Variants in SAFB2 observed in about 807,000 individuals in gnomAD.
SAFB2 encodes the protein scaffold attachment factor B2.
In SAFB2, 32 loss-of-function variants were observed where a neutral mutation model predicts 100.6. The ratio of observed to expected loss-of-function variants is 0.32; its 90% confidence interval spans 0.24 to 0.43. The LOEUF (loss-of-function observed/expected upper bound fraction) is 0.43. SAFB2 is among the 20% of genes least tolerant of loss of function. SAFB2 has a pLI of 1.00. For synonymous variants in SAFB2, 500 were observed against 439.4 expected (o/e 1.14, Z -1.72); for missense variants, 1,185 against 1,163.4 (o/e 1.02, Z -0.27).
intron 9 of SAFB2, 145 bp downstream of exon 9, chr19:5,609,850 C>A (rs2052868649): frequency 1.5e-6 from 1 of 680,136 alleles, no homozygotes; most frequent in African/African-American, 1.8e-5. Context: ...GTTGCCCAGG[C>A]TGGTCTTGAA....
chr19:5,617,279 T>G (rs555189928), intron 2 of SAFB2, among the ~76,000 whole-genome samples: 1 of 151,824 alleles, frequency 6.6e-6, no homozygotes. Context: ...CTTTTTTTTT[T>G]CCCCCAAGGC....
At chr19:5,604,517 G>A in intron 11 of SAFB2, 66 bp downstream of exon 11, 1 of 1,192,264 alleles carries the variant, frequency 8.4e-7, no homozygotes, top group Middle Eastern at 1.9e-4. Flanking sequence ...GTTTTTCAAG[G>A]CCCATGGTGG....
rs148165120 is a variant in SAFB2, at chr19:5,604,666, A to T, written c.1476T>A (p.Leu492=). The change falls in exon 11 of 21, where the codon CTT becomes CTA. Residue 492 remains leucine, a synonymous_variant. Coordinates refer to ENST00000252542, the MANE Select transcript of SAFB2 (RefSeq NM_014649.3). ...TCACTTCGCACTCTTTTCTGTCGGA[A>T]AGCTTTTTCCCAGCAGGCTCATTTT... The part of the protein sequence containing the change: ...KAKNEPAGKK[L]SDRKECEVKK... 14 of 1,614,094 alleles carry T rather than the reference A, an allele frequency of 8.7e-6. No individual in the cohort carries two copies. The African/African-American group carries it at 1.9e-4, about 22-fold the overall frequency.
rs1203460131 is a variant in SAFB2 at position 5,590,169 on chromosome 19, C to G, written c.2525+109G>C. 14 of 1,069,982 alleles carry G rather than the reference C, an allele frequency of 1.3e-5. No individual in the cohort carries two copies. In the Admixed American group the frequency reaches 1.4e-4, roughly 11 times the overall value. 66.3% of individuals were successfully genotyped at this position (1,069,982 alleles called of 1,614,324 possible). ...ATGGCAGGACCCCTGGTAGCCCATC[C>G]TAAAGCTCCCCTAGCTGAATCAAAC... On this transcript the variant is annotated intron_variant, in intron 18 of 20. Transcript: ENST00000252542.
chr19:5,604,621 A>G lies in SAFB2; in HGVS notation c.1521T>C (p.Ser507=). The G allele has an allele frequency of 6.2e-7, 1 of 1,614,034 alleles. No homozygotes were observed. The change falls in exon 11 of 21, where the codon AGT becomes AGC. Residue 507 remains serine (S), a synonymous_variant. Coordinates refer to ENST00000252542, the MANE Select transcript of SAFB2 (RefSeq NM_014649.3). ...TCTCCACAGAATGATGTCTGTCGAC[A>G]CTCGATAATTTTTCCTTCTTCACTT... The part of the protein sequence containing the change: ...ECEVKKEKLS[S]VDRHHSVEIK...
intron 4 of SAFB2, among the ~76,000 whole-genome samples, chr19:5,614,953 A>G (rs1221012797): frequency 2.6e-5 from 4 of 152,324 alleles, no homozygotes; most frequent in African/African-American, 9.6e-5. Flanking sequence ...ACTCACCACT[A>G]TAATCCCAGC....
chr19:5,597,878 C>A lies in SAFB2; in HGVS notation c.1782+915G>T, dbSNP rs2052565344. Among the ~76,000 whole-genome samples, 2 of 151,996 alleles carry A rather than the reference C, an allele frequency of 1.3e-5. 1 individual carries two copies. The highest frequency in any genetic ancestry group is 4.2e-4 in the South Asian group (2 of 4,814). On this transcript the variant is annotated intron_variant, in intron 13 of 20. Transcript: ENST00000252542. Reference sequence around the variant, plus strand: ...GGCACGGTGGCTCAAGCCTGTAATCCCAGCACTTTGGGAGGCTGAGGCGGG... The same window carrying A: ...GGCACGGTGGCTCAAGCCTGTAATCACAGCACTTTGGGAGGCTGAGGCGGG...
intron 8 of SAFB2, chr19:5,610,336 G>C: frequency 1.7e-6 from 1 of 589,618 alleles, no homozygotes; most frequent in Non-Finnish European, 3.0e-6. Flanking sequence ...AATGTCTTTT[G>C]ATGATCAGAT....
At chr19:5,618,702 C>T (rs1437125262) in intron 2 of SAFB2, among the ~76,000 whole-genome samples, 1 of 152,202 alleles carries the variant, frequency 6.6e-6, no homozygotes, top group Admixed American at 6.5e-5. Flanking sequence ...TAGTAGCCTG[C>T]AGTGCCCACA....
chr19:5,595,610 T>C (rs935261263), intron 13 of SAFB2, 113 bp from the exon 14 acceptor site: 8 of 1,305,122 alleles, frequency 6.1e-6, no homozygotes, highest in Non-Finnish European at 8.4e-6. Flanking sequence ...ATGGTGTAGA[T>C]GGAAGGCTGT....
intron 2 of SAFB2, among the ~76,000 whole-genome samples, chr19:5,617,813 A>G (rs1403968626): frequency 6.6e-6 from 1 of 152,166 alleles, no homozygotes; most frequent in Non-Finnish European, 1.5e-5. Flanking sequence ...TATTTAAAGA[A>G]TGTATGCTTT....
chr19:5,588,076 T>A, intron 18 of SAFB2, 96 bp from the exon 19 acceptor site: 1 of 1,062,928 alleles, frequency 9.4e-7, no homozygotes. Context: ...GCATGGTGGG[T>A]CATGCCACAC....
Position 5,594,184 on chromosome 19 carries a change from G to A in SAFB2, c.1920-6C>T, listed in dbSNP as rs1387562596. 15 of 1,584,566 alleles carry A rather than the reference G, an allele frequency of 9.5e-6. No homozygotes were observed. Among genetic ancestry groups the A allele is most frequent in the Non-Finnish European group, 1.3e-5 (15 of 1,171,886 alleles). On this transcript the variant is annotated splice_polypyrimidine_tract_variant and splice_region_variant and intron_variant, in intron 14 of 20. Coordinates refer to ENST00000252542, the MANE Select transcript of SAFB2 (RefSeq NM_014649.3). Reference sequence around the variant, plus strand: ...GCTCCCGCTGCTCGCGCTCCCTGCGGGGACAGGTGAGGCTGCCCTGAACTC... The same window carrying A: ...GCTCCCGCTGCTCGCGCTCCCTGCGAGGACAGGTGAGGCTGCCCTGAACTC...
At chr19:5,599,403 A>T (rs928575964) in intron 12 of SAFB2, among the ~76,000 whole-genome samples, 6 of 152,250 alleles carry the variant, frequency 3.9e-5, no homozygotes, top group African/African-American at 1.4e-4. Flanking sequence ...AACCACTGGA[A>T]CAATGACTTA....
rs746738716 is a variant in SAFB2, at chr19:5,592,842, C to G, written c.2253G>C (p.Glu751Asp). ...YWPEGKRVAMEDRYRADFPRP... is the reference protein window; with the variant it reads ...YWPEGKRVAMDDRYRADFPRP... The stretch of plus-strand genomic sequence containing the variant: ...GGGGAAAGTCTGCACGATATCGGTC[C>G]TCCATTGCCACACGCTTTCCTTCTG... The change falls in exon 16 of 21, where the codon GAG (glutamate) becomes GAC (aspartate). Residue 751 changes from glutamate to aspartate, a missense_variant. Physicochemically the swap from Glu to Asp is conservative, Grantham distance 45. Around this residue, in one of 3 missense-constraint regions of SAFB2, gnomAD observed 740 missense variants for 687.1 expected, o/e 1.08. Transcript: ENST00000252542. 2 of 1,614,172 alleles carry G rather than the reference C, an allele frequency of 1.2e-6. No individual in the cohort carries two copies. Among genetic ancestry groups the G allele is most frequent in the Non-Finnish European group, 1.7e-6 (2 of 1,180,046 alleles).
In SAFB2 at chr19:5,587,714, C is replaced by A; in HGVS notation, c.2692G>T (p.Gly898Cys). ...PSGPGHMASR[G>C]GVAGRGGFAQ... is the part of the protein sequence containing the mutation. ...GACACACCTTACCCCGCCACTCCACCGCGGCTTGCCATGTGCCCCGGCCCC... is the reference window on the plus strand; with the variant it reads ...GACACACCTTACCCCGCCACTCCACAGCGGCTTGCCATGTGCCCCGGCCCC... The change falls in exon 20 of 21, where the codon GGT (glycine) becomes TGT (cysteine). Residue 898 changes from glycine to cysteine, a missense_variant. Physicochemically the swap from Gly to Cys is radical, Grantham distance 159. Around this residue, in one of 3 missense-constraint regions of SAFB2, gnomAD observed 740 missense variants for 687.1 expected, o/e 1.08. Coordinates refer to ENST00000252542, the MANE Select transcript of SAFB2 (RefSeq NM_014649.3). The surrounding 1 kb of genome is among the most constrained non-coding windows in gnomAD (Gnocchi z 4.9). 1 of 1,551,732 alleles carries A rather than the reference C, an allele frequency of 6.4e-7. No individual in the cohort carries two copies. Among genetic ancestry groups the A allele is most frequent in the Non-Finnish European group, 8.7e-7 (1 of 1,147,176 alleles).
chr19:5,596,957 C>G (rs1032970943), intron 13 of SAFB2, among the ~76,000 whole-genome samples: 1 of 152,144 alleles, frequency 6.6e-6, no homozygotes, highest in Non-Finnish European at 1.5e-5. Flanking sequence ...AGACATTACA[C>G]CAATTATTAA....
Position 5,587,228 on chromosome 19 carries a change from C to A in SAFB2, c.*15G>T. 3 of 1,609,294 alleles carry A rather than the reference C, an allele frequency of 1.9e-6. No individual in the cohort carries two copies. Among genetic ancestry groups the A allele is most frequent in the South Asian group, 2.2e-5 (2 of 90,974 alleles). ...CAGTGCGTCTGCCCACCCGAAAACT[C>A]GCAGCGAGTGGGACTTAGTAGCGGC... On this transcript the variant is annotated 3_prime_UTR_variant, in exon 21 of 21. Coordinates refer to ENST00000252542, the MANE Select transcript of SAFB2 (RefSeq NM_014649.3). The surrounding 1 kb of genome is among the most constrained non-coding windows in gnomAD (Gnocchi z 4.9).
Position 5,612,008 on chromosome 19 carries a change from G to C in SAFB2, c.635-378C>G, listed in dbSNP as rs568096852. 1.6e-5 allele frequency: 6 copies of C among 380,982 alleles called. No individual in the cohort carries two copies. In the East Asian group the frequency reaches 3.9e-4, roughly 24 times the overall value. 23.6% of individuals were successfully genotyped at this position (380,982 alleles called of 1,614,324 possible). A position where few individuals can be genotyped will look rare whatever the true frequency, so the allele number is the denominator to read the frequency against. On this transcript the variant is annotated intron_variant, in intron 6 of 20. Transcript: ENST00000252542. Reference sequence around the variant, plus strand: ...GACAGCTCAACTTCCAAATTTCTTTGAATTTCTTTTAACAGAACAATCCAA... The same window carrying C: ...GACAGCTCAACTTCCAAATTTCTTTCAATTTCTTTTAACAGAACAATCCAA...
Sources: gnomAD v4.1 joint callset for allele counts (sites outside exome capture counted in the v4.1 genomes callset) on GRCh38, gnomAD v4.1.1 for gene constraint, gnomAD v4.1.1 regional missense constraint, Gnocchi (gnomAD v3.1) non-coding constraint, MANE v1.5 for transcripts, NCBI Gene and HGNC (gene_info 2026-07-23, HGNC 2026-07-21) for gene names.